The following DSCAM variants were observed in gnomAD, a reference collection of about 807,000 sequenced individuals.
The protein encoded by DSCAM is cell adhesion molecule DSCAM.
In DSCAM, 47 loss-of-function variants were observed where a neutral mutation model predicts 217.7. That is an observed-to-expected ratio of 0.22 (90% CI 0.17 to 0.28). The LOEUF (loss-of-function observed/expected upper bound fraction) is 0.28, where lower values mean the gene tolerates loss of function less well. Ranked by LOEUF, DSCAM falls within the 10% of genes least tolerant of loss-of-function variation. The pLI is 1.00. For synonymous variants in DSCAM, 1,056 were observed against 1,015.3 expected, an observed-to-expected ratio of 1.04 and a Z score of -0.76; for missense variants, 2,080 against 2,618.3, an observed-to-expected ratio of 0.79 and a Z score of 4.49.
intron 1 of DSCAM, among the ~76,000 whole-genome samples, chr21:40,829,168 G>T (rs180713420): frequency 3.9e-5 from 6 of 152,194 alleles, no homozygotes; most frequent in African/African-American, 1.4e-4. Context: ...AGGAGTGGAC[G>T]CTGATCACAT....
At chr21:40,026,411 A>C (rs1409018278) in intron 32 of DSCAM, among the ~76,000 whole-genome samples, 1 of 139,872 alleles carries the variant, frequency 7.1e-6, no homozygotes, top group African/African-American at 2.7e-5. Flanking sequence ...AGCTGAGTTC[A>C]ATTCCTGGGT....
rs2089434797 is a variant in DSCAM, at chr21:40,080,191, G to A, written c.4381C>T (p.Arg1461Cys). ...TTTGCTTCTATGATTTCACTTATGC[G>A]CCCTGGGCCCACTCCATTTTGGGCT... is the stretch of plus-strand genomic sequence containing the variant. ...LTAQNGVGPG[R>C]ISEIIEAKTL... Residue 1461 changes from arginine to cysteine, a missense_variant, in exon 25 of 33, where the codon CGC becomes TGC. Arg to Cys is a radical substitution (Grantham distance 180, BLOSUM62 -3). Transcript: ENST00000400454. 7 of 1,599,456 alleles carry A rather than the reference G, an allele frequency of 4.4e-6. No homozygotes were observed. Among genetic ancestry groups the A allele is most frequent in the African/African-American group, 1.4e-5 (1 of 71,544 alleles).
chr21:40,154,145 T>C (rs1041162179), intron 16 of DSCAM, among the ~76,000 whole-genome samples: 6 of 151,810 alleles, frequency 4.0e-5, no homozygotes, highest in African/African-American at 1.5e-4. Flanking sequence ...AATAATTCCT[T>C]TCCTCTCCTC....
At position 40,843,295 on chromosome 21, in the gene DSCAM, G is replaced by C. The variant is rs145538778; in HGVS notation, c.43+3324C>G. 4.5e-3 allele frequency among the ~76,000 whole-genome samples: 690 copies of C among 151,914 alleles called. 6 individuals carry two copies. Among genetic ancestry groups the C allele is most frequent in the African/African-American group, 0.016 (651 of 41,398 alleles). On this transcript the variant is annotated intron_variant, in intron 1 of 32. Coordinates refer to ENST00000400454, the MANE Select transcript of DSCAM (RefSeq NM_001389.5). The stretch of plus-strand genomic sequence containing the variant: ...CCGTCTCTAATCTCCATGACCCTCA[G>C]GCCCCATGAAAGCGGATGCAGTAGA...
chr21:40,179,932 G>C (rs1234204820), intron 14 of DSCAM, among the ~76,000 whole-genome samples: 4 of 152,200 alleles, frequency 2.6e-5, no homozygotes, highest in Non-Finnish European at 4.4e-5. Flanking sequence ...AAAAAAGGAG[G>C]GCCCAAGACA....
intron 15 of DSCAM, among the ~76,000 whole-genome samples, chr21:40,173,753 A>T (rs2090685478): frequency 6.6e-6 from 1 of 152,098 alleles, no homozygotes; most frequent in Non-Finnish European, 1.5e-5. Context: ...GCTGCCCCGG[A>T]ATGGGAGGAA....
At chr21:40,608,981 G>A (rs534940624) in intron 3 of DSCAM, among the ~76,000 whole-genome samples, 1 of 152,184 alleles carries the variant, frequency 6.6e-6, no homozygotes, top group East Asian at 1.9e-4. Context: ...TTGGGACAGG[G>A]TCTCACTCTG....
At chr21:40,531,053 G>A (rs796554390) in intron 3 of DSCAM, among the ~76,000 whole-genome samples, 122 of 152,160 alleles carry the variant, frequency 8.0e-4, no homozygotes, top group African/African-American at 2.6e-3. Context: ...TCGTTCCCAC[G>A]ACTATTTTCC....
At chr21:40,706,424 T>A (rs909975915) in intron 2 of DSCAM, among the ~76,000 whole-genome samples, 36 of 152,000 alleles carry the variant, frequency 2.4e-4, no homozygotes, top group African/African-American at 8.5e-4. Flanking sequence ...ACATGATGAG[T>A]AAACCTTCCT....
intron 9 of DSCAM, among the ~76,000 whole-genome samples, chr21:40,297,651 C>T (rs368766922): frequency 6.6e-6 from 1 of 152,120 alleles, no homozygotes; most frequent in African/African-American, 2.4e-5. Flanking sequence ...GCCAACGTGA[C>T]GATCGCTTTG....
intron 3 of DSCAM, among the ~76,000 whole-genome samples, chr21:40,435,257 A>G (rs759462942): frequency 5.9e-5 from 9 of 152,236 alleles, no homozygotes; most frequent in Non-Finnish European, 1.3e-4. Flanking sequence ...GCAGCTGCTC[A>G]AAGTGCAGCC....
At chr21:40,156,730 A>G (rs1219838959) in intron 16 of DSCAM, among the ~76,000 whole-genome samples, 1 of 152,206 alleles carries the variant, frequency 6.6e-6, no homozygotes, top group Non-Finnish European at 1.5e-5. Context: ...GTAGTGATAT[A>G]GGCAAAGAAG....
At chr21:40,342,792 T>C (rs796410026) in intron 6 of DSCAM, among the ~76,000 whole-genome samples, 1 of 143,694 alleles carries the variant, frequency 7.0e-6, no homozygotes, top group Non-Finnish European at 1.5e-5. Flanking sequence ...TTGCCATGTT[T>C]CCCAGGCTGG....
chr21:40,354,848 C>CAAAAAAA (rs11314417), intron 4 of DSCAM, among the ~76,000 whole-genome samples: 3 of 112,380 alleles, frequency 2.7e-5, no homozygotes, highest in East Asian at 2.7e-4. Flanking sequence ...AACTCTGTCT[C>CAAAAAAA]AAAAAAAAAA....
chr21:40,583,243 T>C (rs530519677), intron 3 of DSCAM, among the ~76,000 whole-genome samples: 58 of 152,322 alleles, frequency 3.8e-4, no homozygotes, highest in African/African-American at 1.3e-3. Context: ...CCAGTACACA[T>C]TGTACCATCT....
chr21:40,727,778 C>G (rs1257965147), intron 1 of DSCAM, among the ~76,000 whole-genome samples: 1 of 152,184 alleles, frequency 6.6e-6, no homozygotes, highest in Non-Finnish European at 1.5e-5. Context: ...CTGTTCTGAG[C>G]TTTTGAGGAC....
intron 10 of DSCAM, among the ~76,000 whole-genome samples, chr21:40,282,595 A>C (rs1002784611): frequency 8.7e-5 from 10 of 115,422 alleles, no homozygotes; most frequent in Non-Finnish European, 1.6e-4. Flanking sequence ...TGTCTCAAAA[A>C]AAAAAAAAAA....
intron 3 of DSCAM, among the ~76,000 whole-genome samples, chr21:40,380,083 C>A (rs1019552217): frequency 6.6e-6 from 1 of 152,156 alleles, no homozygotes; most frequent in Non-Finnish European, 1.5e-5. Context: ...TAAGACATTT[C>A]TTTTATGTAA....
At chr21:40,482,905 T>C (rs574091115) in intron 3 of DSCAM, among the ~76,000 whole-genome samples, 2 of 152,368 alleles carry the variant, frequency 1.3e-5, no homozygotes, top group East Asian at 1.9e-4. Context: ...ATACACTGAA[T>C]GCTATCAGGG....
Sources: allele counts gnomAD v4.1 joint callset (sites outside exome capture counted in the v4.1 genomes callset), GRCh38; gene constraint gnomAD v4.1.1; transcripts MANE v1.5; gene names NCBI Gene and HGNC (gene_info 2026-07-23, HGNC 2026-07-21).